The following TBC1D9 variants were observed in gnomAD, a reference collection of about 807,000 sequenced individuals.
The protein encoded by TBC1D9 is TBC1 domain family member 9A.
TBC1D9 carries 63 observed loss-of-function variants against 132.0 expected under a neutral mutation model. The observed-to-expected ratio is 0.48, with a 90% CI of 0.39 to 0.59. The LOEUF (loss-of-function observed/expected upper bound fraction) is 0.59, where lower values mean the gene tolerates loss of function less well. TBC1D9 is among the 20% of genes least tolerant of loss of function. The pLI is 0.00. For missense variants in TBC1D9, 1,261 were observed against 1,592.7 expected (o/e 0.79, Z 3.54); for synonymous variants, 610 against 609.9 (o/e 1.00, Z 0.00).
At chr4:140,651,978 C>T (rs1325910603) in intron 13 of TBC1D9, among the ~76,000 whole-genome samples, 1 of 152,060 alleles carries the variant, frequency 6.6e-6, no homozygotes, top group East Asian at 1.9e-4. Flanking sequence ...GTGGCTTAAG[C>T]CTGTAATCTT....
chr4:140,718,107 A>G (rs1738366178), intron 1 of TBC1D9, among the ~76,000 whole-genome samples: 1 of 152,184 alleles, frequency 6.6e-6, no homozygotes, highest in East Asian at 1.9e-4. Flanking sequence ...ATGGGATTCA[A>G]TTGAGTAATT....
chr4:140,696,034 G>A (rs1317007562), intron 2 of TBC1D9, among the ~76,000 whole-genome samples: 1 of 152,158 alleles, frequency 6.6e-6, no homozygotes, highest in Admixed American at 6.5e-5. Context: ...CACATTTTGG[G>A]TACTAGTGAA....
chr4:140,752,148 C>T (rs1204675935), intron 1 of TBC1D9, among the ~76,000 whole-genome samples: 1 of 151,974 alleles, frequency 6.6e-6, no homozygotes, highest in East Asian at 1.9e-4. Context: ...CCATAATGCC[C>T]CCAAATGAAC....
At chr4:140,720,966 G>T (rs1738414326) in intron 1 of TBC1D9, among the ~76,000 whole-genome samples, 2 of 152,120 alleles carry the variant, frequency 1.3e-5, no homozygotes, top group Non-Finnish European at 2.9e-5. Flanking sequence ...TTCTCTCTTT[G>T]CTCCTGGAAA....
At chr4:140,637,319 C>T (rs895575442) in intron 15 of TBC1D9, among the ~76,000 whole-genome samples, 1 of 151,704 alleles carries the variant, frequency 6.6e-6, no homozygotes, top group Non-Finnish European at 1.5e-5. Flanking sequence ...CACTGCACTC[C>T]AGCCTGGGTG....
In TBC1D9 at chr4:140,622,507, G is replaced by T; in HGVS notation, c.3489C>A (p.Ser1163=). The change falls in exon 21 of 21, where the codon TCC becomes TCA. Residue 1163 remains serine, a synonymous_variant. Coordinates refer to ENST00000442267, the MANE Select transcript of TBC1D9 (RefSeq NM_015130.3). The part of the protein sequence containing the change: ...DDDTKDDSSM[S]SYSVLSAGSH... ...AGCCGGCACTCAGCACCGAGTATGAGGACATGGAGCTGTCGTCCTTGGTGT... is the reference window on the plus strand; with the variant it reads ...AGCCGGCACTCAGCACCGAGTATGATGACATGGAGCTGTCGTCCTTGGTGT... 1 of 1,614,068 alleles carries T rather than the reference G, an allele frequency of 6.2e-7. No individual in the cohort carries two copies. The highest frequency in any genetic ancestry group is 8.5e-7 in the Non-Finnish European group (1 of 1,179,902).
At chr4:140,732,611 G>A (rs1051566950) in intron 1 of TBC1D9, among the ~76,000 whole-genome samples, 8 of 152,030 alleles carry the variant, frequency 5.3e-5, no homozygotes, top group Non-Finnish European at 8.8e-5. Flanking sequence ...ATGAAATCTG[G>A]TGTTGGTCGG....
In TBC1D9 at chr4:140,622,082, C is replaced by A; in HGVS notation, c.*113G>T. ...CATTATGAAAACACTAGGCTTCAAG[C>A]CAGGTACTAATAAATATTTAATTTA... On this transcript the variant is annotated 3_prime_UTR_variant, in exon 21 of 21. Transcript: ENST00000442267. 1.0e-5 allele frequency: 14 copies of A among 1,391,556 alleles called. No homozygotes were observed. Among genetic ancestry groups the A allele is most frequent in the Non-Finnish European group, 1.3e-5 (14 of 1,052,836 alleles). 86.2% of individuals were successfully genotyped at this position (1,391,556 alleles called of 1,614,324 possible).
At chr4:140,623,322 C>A (rs1415435110) in intron 20 of TBC1D9, among the ~76,000 whole-genome samples, 1 of 152,144 alleles carries the variant, frequency 6.6e-6, no homozygotes, top group Non-Finnish European at 1.5e-5. Context: ...CCTGCCTTGG[C>A]CTCCCAAAGT....
chr4:140,684,646 T>C (rs1490581817), intron 3 of TBC1D9, among the ~76,000 whole-genome samples: 1 of 151,812 alleles, frequency 6.6e-6, no homozygotes, highest in African/African-American at 2.4e-5. Flanking sequence ...CAGCCCTTTT[T>C]TTCTTTTTTG....
Position 140,657,188 on chromosome 4 carries a change from G to A in TBC1D9, c.2246C>T (p.Pro749Leu). Residue 749 changes from proline to leucine, a missense_variant, in exon 13 of 21, where the codon CCT becomes CTT. Coordinates refer to ENST00000442267, the MANE Select transcript of TBC1D9 (RefSeq NM_015130.3). ...DSVTNKDSTL[P>L]PIPHLHSLLS... ...CAAGGAGTGGAGGTGAGGAATGGGA[G>A]GCAGTGTGCTGTCTTTATTGGTCAC... 6.2e-7 allele frequency: 1 copy of A among 1,613,950 alleles called. No individual in the cohort carries two copies. Among genetic ancestry groups the A allele is most frequent in the East Asian group, 2.2e-5 (1 of 44,874 alleles).
intron 1 of TBC1D9, among the ~76,000 whole-genome samples, chr4:140,721,541 G>A (rs1176283291): frequency 6.6e-6 from 1 of 152,164 alleles, no homozygotes; most frequent in Non-Finnish European, 1.5e-5. Context: ...CAAGGGAGTT[G>A]AGGATGCTAA....
At chr4:140,641,912 CT>C (rs1737005055) in intron 13 of TBC1D9, 1 of 417,534 alleles carries the variant, frequency 2.4e-6, no homozygotes, top group African/African-American at 2.0e-5. Context: ...CAGGCACTCT[CT>C]CGCTAGGAAA....
chr4:140,694,155 T>C (rs544679991), intron 2 of TBC1D9, among the ~76,000 whole-genome samples: 1 of 152,296 alleles, frequency 6.6e-6, no homozygotes, highest in East Asian at 1.9e-4. Flanking sequence ...TGCAAAGATT[T>C]TGTTGGGAGA....
intron 1 of TBC1D9, among the ~76,000 whole-genome samples, chr4:140,704,435 G>GAAAA (rs11317574): frequency 8.8e-6 from 1 of 113,396 alleles, no homozygotes; most frequent in African/African-American, 3.2e-5. Flanking sequence ...CAAAAAATCA[G>GAAAA]AAAAAAAAAA....
intron 2 of TBC1D9, among the ~76,000 whole-genome samples, chr4:140,698,213 G>A (rs1738005799): frequency 6.6e-6 from 1 of 152,126 alleles, no homozygotes; most frequent in Non-Finnish European, 1.5e-5. Context: ...GTGCAGAGAA[G>A]ACTGGAACAC....
chr4:140,645,226 G>T, intron 13 of TBC1D9: 2 of 535,190 alleles, frequency 3.7e-6, no homozygotes, highest in Non-Finnish European at 3.7e-6. Context: ...TACTCCTGGT[G>T]TCTGGCCCGG....
chr4:140,742,641 C>G (rs923948504), intron 1 of TBC1D9, among the ~76,000 whole-genome samples: 25 of 151,428 alleles, frequency 1.7e-4, no homozygotes, highest in Non-Finnish European at 2.9e-5. Context: ...TTATTGACTT[C>G]TTCACAGTTC....
At chr4:140,736,802 G>A (rs909320361) in intron 1 of TBC1D9, among the ~76,000 whole-genome samples, 5 of 152,208 alleles carry the variant, frequency 3.3e-5, no homozygotes, top group African/African-American at 1.2e-4. Flanking sequence ...GAGCTGAATT[G>A]TAGAGTGCAA....
Sources: allele counts gnomAD v4.1 joint callset (sites outside exome capture counted in the v4.1 genomes callset), GRCh38; gene constraint gnomAD v4.1.1; transcripts MANE v1.5; gene names NCBI Gene and HGNC (gene_info 2026-07-23, HGNC 2026-07-21).